The following PPP2R3B variants were observed in gnomAD, a reference collection of about 807,000 sequenced individuals.
PPP2R3B encodes the protein protein phosphatase 2 regulatory subunit B''beta.
In PPP2R3B, 68 loss-of-function variants were observed where a neutral mutation model predicts 72.9. The observed-to-expected ratio is 0.93, with a 90% CI of 0.77 to 1.14. The LOEUF (loss-of-function observed/expected upper bound fraction) is 1.14, where lower values mean the gene tolerates loss of function less well. Among genes scored for constraint, PPP2R3B ranks in the 50% most tolerant of loss-of-function variants. PPP2R3B has a pLI of 0.00. For synonymous variants in PPP2R3B, 466 were observed against 375.8 expected, an observed-to-expected ratio of 1.24 and a Z score of -2.78; for missense variants, 1,018 against 842.0, an observed-to-expected ratio of 1.21 and a Z score of -2.59.
intron 10 of PPP2R3B, 72 bp from the exon 11 acceptor site, chrX:338,968 G>A (rs1416335719): frequency 3.5e-5 from 45 of 1,271,696 alleles, no homozygotes; most frequent in Non-Finnish European, 4.4e-5. Context: ...TGGGGTGCGC[G>A]CGTCCTGTCA....
chrX:354,922 G>A (rs2071407575), intron 2 of PPP2R3B, among the ~76,000 whole-genome samples: 1 of 152,200 alleles, frequency 6.6e-6, no homozygotes, highest in Admixed American at 6.5e-5. Flanking sequence ...GATGAAGGAC[G>A]CCAGGCAGGG....
At chrX:334,775 C>CA (rs1434416838) in intron 12 of PPP2R3B, 5 of 420,410 alleles carry the variant, frequency 1.2e-5, no homozygotes, top group African/African-American at 1.0e-4. Context: ...GAGCTACACA[C>CA]AGAGGACCTG....
intron 1 of PPP2R3B, among the ~76,000 whole-genome samples, chrX:363,523 C>CACA (rs1491292025): frequency 2.0e-5 from 3 of 147,352 alleles, no homozygotes; most frequent in African/African-American, 2.5e-5. Flanking sequence ...CCCGCGATCC[C>CACA]GCAGTGCATC....
At chrX:344,217 TTGAGACCTCACCAACGGGAGGCCGGAG>T (rs2071144983) in intron 7 of PPP2R3B, among the ~76,000 whole-genome samples, 1 of 19,130 alleles carries the variant, frequency 5.2e-5, no homozygotes, top group South Asian at 2.2e-3. Flanking sequence ...GGAGGCGGGA[TTGAGACCTCACCAACGGGAGGCCGGAG>T]TGAGACCTCA....
Position 386,570 on chromosome X carries a change from G to T in PPP2R3B, c.122C>A (p.Ala41Glu). ...CGGGGTCGGCTGGTCCCGCCCGGGCGCCTTGATCCGGCGCAGGCAGTCCTG... is the reference window on the plus strand; with the variant it reads ...CGGGGTCGGCTGGTCCCGCCCGGGCTCCTTGATCCGGCGCAGGCAGTCCTG... ...MLQDCLRRIK[A>E]PGRDQPTPGD... Residue 41 changes from alanine (A) to glutamate (E), a missense_variant, in exon 1 of 13, where the codon GCG becomes GAG. Physicochemically the swap from Ala to Glu is moderately radical, Grantham distance 107. Transcript: ENST00000390665. The T allele has an allele frequency of 1.4e-6, 2 of 1,443,244 alleles. No individual in the cohort carries two copies. The highest frequency in any genetic ancestry group is 1.8e-6 in the Non-Finnish European group (2 of 1,097,392). 89.4% of individuals were successfully genotyped at this position (1,443,244 alleles called of 1,614,324 possible).
intron 5 of PPP2R3B, 95 bp from the exon 6 acceptor site, chrX:346,355 G>T: frequency 1.6e-6 from 2 of 1,283,942 alleles, no homozygotes; most frequent in South Asian, 1.3e-5. Flanking sequence ...CGCGCCCTTG[G>T]TCTCAGCCGC....
intron 8 of PPP2R3B, chrX:341,677 C>G (rs1303901599): frequency 5.9e-6 from 4 of 682,486 alleles, no homozygotes; most frequent in Admixed American, 2.5e-5. Flanking sequence ...GGGCCACCCC[C>G]TTCCTCAGAC....
In PPP2R3B at chrX:346,711, T is replaced by C; in HGVS notation, c.782A>G (p.Tyr261Cys). The change falls in exon 5 of 13, where the codon TAC (tyrosine) becomes TGC (cysteine). Residue 261 changes from tyrosine (Y) to cysteine (C), a missense_variant. Transcript: ENST00000390665. ...LKEASEFHSR[Y>C]ITTVIQRIFY... The stretch of plus-strand genomic sequence containing the variant: ...CCGCTGGGGACCCACCGTGGTGATG[T>C]AGCGCGAGTGGAACTCGGACGCCTC... 6.2e-7 allele frequency: 1 copy of C among 1,609,324 alleles called. No homozygotes were observed. The highest frequency in any genetic ancestry group is 8.5e-7 in the Non-Finnish European group (1 of 1,178,170).
At chrX:338,424 T>C in intron 12 of PPP2R3B, 180 bp downstream of exon 12, 2 of 651,998 alleles carry the variant, frequency 3.1e-6, no homozygotes, top group Non-Finnish European at 5.4e-6. Flanking sequence ...TGTCATCGGC[T>C]GTCCTTACCT....
intron 2 of PPP2R3B, among the ~76,000 whole-genome samples, chrX:350,694 A>C (rs1351142909): frequency 6.6e-6 from 1 of 152,206 alleles, no homozygotes; most frequent in Admixed American, 6.5e-5. Context: ...AAAAGGACTG[A>C]AGACGCCAGG....
chrX:343,002 T>G (rs1267735179), intron 7 of PPP2R3B, among the ~76,000 whole-genome samples: 17 of 8,682 alleles, frequency 2.0e-3, no homozygotes, highest in South Asian at 5.2e-3. Flanking sequence ...GAGGCGGGAG[T>G]GAGACCTCAG....
In PPP2R3B at chrX:345,501, T is replaced by C. The variant is rs1397316683; in HGVS notation, c.1036+15A>G. ...GGTGTCCGCGCGGCCCGCCCGCCCCTGTGCCCCCACGCACCGTGGTCATTG... is the reference window on the plus strand; with the variant it reads ...GGTGTCCGCGCGGCCCGCCCGCCCCCGTGCCCCCACGCACCGTGGTCATTG... On this transcript the variant is annotated intron_variant, in intron 7 of 12. Coordinates refer to ENST00000390665, the MANE Select transcript of PPP2R3B (RefSeq NM_013239.5). 20 of 1,564,456 alleles carry C rather than the reference T, an allele frequency of 1.3e-5. No individual in the cohort carries two copies. The East Asian group carries it at 1.4e-4, about 11-fold the overall frequency.
chrX:381,186 C>A (rs1178637322), intron 1 of PPP2R3B, among the ~76,000 whole-genome samples: 2 of 152,102 alleles, frequency 1.3e-5, no homozygotes, highest in Middle Eastern at 3.2e-3. Flanking sequence ...TCCTTGGCCT[C>A]CCAAAGTGCT....
At chrX:334,572 C>CG in intron 12 of PPP2R3B, 55 bp from the exon 13 acceptor site, 10 of 1,399,696 alleles carry the variant, frequency 7.1e-6, no homozygotes, top group Non-Finnish European at 9.3e-6. Context: ...GGCCCTGGGC[C>CG]GTTTTCCGGG....
intron 5 of PPP2R3B, 156 bp downstream of exon 5, chrX:346,545 C>G: frequency 1.4e-6 from 1 of 732,950 alleles, no homozygotes; most frequent in South Asian, 1.9e-5. Flanking sequence ...ACCGGGCTCC[C>G]GGGCGGGTGG....
intron 2 of PPP2R3B, among the ~76,000 whole-genome samples, chrX:360,252 G>A (rs1019036744): frequency 3.9e-5 from 6 of 152,286 alleles, no homozygotes; most frequent in South Asian, 2.1e-4. Context: ...AACAAAACCC[G>A]GCCAGGTGCA....
intron 2 of PPP2R3B, among the ~76,000 whole-genome samples, chrX:355,165 G>C (rs896686280): frequency 6.6e-6 from 1 of 152,168 alleles, no homozygotes; most frequent in African/African-American, 2.4e-5. Context: ...AGTTAAACTT[G>C]GTCAGAAAAT....
At chrX:347,111 C>A in intron 4 of PPP2R3B, 123 bp downstream of exon 4, 1 of 1,209,264 alleles carries the variant, frequency 8.3e-7, no homozygotes, top group Non-Finnish European at 1.2e-6. Flanking sequence ...GCGGTGTAGA[C>A]GCGGACCCTC....
intron 1 of PPP2R3B, among the ~76,000 whole-genome samples, chrX:364,649 CGG>C (rs1569406155): frequency 3.6e-5 from 5 of 137,224 alleles, no homozygotes; most frequent in Admixed American, 7.3e-5. Context: ...ACACAGGAGG[CGG>C]AGGTTGCAGT....
Sources: allele counts gnomAD v4.1 joint callset (sites outside exome capture counted in the v4.1 genomes callset), GRCh38; gene constraint gnomAD v4.1.1; transcripts MANE v1.5; gene names NCBI Gene and HGNC (gene_info 2026-07-23, HGNC 2026-07-21).